GNB1L: variants seen among roughly 807,000 people sequenced by gnomAD.
The protein encoded by GNB1L is guanine nucleotide-binding protein subunit beta-like protein 1.
In GNB1L, 20 loss-of-function variants were observed where a neutral mutation model predicts 29.1. The ratio of observed to expected loss-of-function variants is 0.69; its 90% CI spans 0.48 to 1.00. The LOEUF (loss-of-function observed/expected upper bound fraction) is 1.00, where lower values mean the gene tolerates loss of function less well. Ranked by LOEUF, GNB1L falls within the 50% of genes least tolerant of loss-of-function variation. GNB1L has a pLI of 0.00. For synonymous variants in GNB1L, 193 were observed against 206.5 expected (o/e 0.93, Z 0.56); for missense variants, 421 against 464.9 (o/e 0.91, Z 0.87).
intron 7 of GNB1L, among the ~76,000 whole-genome samples, chr22:19,799,763 G>A (rs183027159): frequency 4.9e-4 from 74 of 152,318 alleles, no homozygotes; most frequent in African/African-American, 1.7e-3. Context: ...CGGTCACCTT[G>A]CTTGCTCCCG....
intron 2 of GNB1L, chr22:19,848,830 T>A: frequency 2.0e-6 from 2 of 985,080 alleles, no homozygotes; most frequent in Non-Finnish European, 2.4e-6. Context: ...GGCTGGAGTA[T>A]CCACTTCAGG....
chr22:19,849,063 C>T (rs1569057004), intron 2 of GNB1L: 1 of 985,472 alleles, frequency 1.0e-6, no homozygotes, highest in East Asian at 1.1e-4. Flanking sequence ...CGGAGGGCAG[C>T]TGTGACCTGG....
intron 4 of GNB1L, among the ~76,000 whole-genome samples, chr22:19,817,575 A>C (rs1003376913): frequency 4.6e-5 from 7 of 152,376 alleles, no homozygotes; most frequent in Middle Eastern, 3.4e-3. Context: ...GTTGAGTGAG[A>C]GAAGTCACAC....
At chr22:19,823,386 C>T (rs753669044) in intron 2 of GNB1L, among the ~76,000 whole-genome samples, 8 of 152,204 alleles carry the variant, frequency 5.3e-5, no homozygotes, top group Non-Finnish European at 1.2e-4. Context: ...GAAGACGCAG[C>T]CAGGCCGGGG....
chr22:19,794,849 C>T (rs1180491657), intron 7 of GNB1L, among the ~76,000 whole-genome samples: 1 of 152,024 alleles, frequency 6.6e-6, no homozygotes, highest in Non-Finnish European at 1.5e-5. Context: ...GGTGTGGTGG[C>T]GTGTGCCTGT....
chr22:19,801,868 C>T (rs1937376249), intron 7 of GNB1L, 133 bp downstream of exon 7: 5 of 763,624 alleles, frequency 6.5e-6, no homozygotes, highest in Admixed American at 5.2e-5. Flanking sequence ...GGACAGCCCC[C>T]CTGCACCCGC....
At chr22:19,799,722 G>A (rs888245828) in intron 7 of GNB1L, among the ~76,000 whole-genome samples, 4 of 152,190 alleles carry the variant, frequency 2.6e-5, no homozygotes, top group Non-Finnish European at 5.9e-5. Context: ...GCAGGCGGTG[G>A]GTGAGGACAC....
intron 7 of GNB1L, among the ~76,000 whole-genome samples, chr22:19,801,599 G>A (rs922004266): frequency 2.0e-5 from 3 of 151,846 alleles, no homozygotes; most frequent in South Asian, 2.1e-4. Context: ...GGCCTCCCTC[G>A]GGCCAGCTCC....
chr22:19,851,453 G>A (rs1938095826), intron 2 of GNB1L: 1 of 1,613,998 alleles, frequency 6.2e-7, no homozygotes, highest in African/African-American at 1.3e-5. Flanking sequence ...CAGGACTGGG[G>A]GCTCCTTGGG....
At chr22:19,833,094 C>T (rs1937707834) in intron 2 of GNB1L, among the ~76,000 whole-genome samples, 1 of 152,224 alleles carries the variant, frequency 6.6e-6, no homozygotes. Flanking sequence ...ACTATTCAAC[C>T]CAGGATATGT....
At chr22:19,833,031 TG>T (rs1159373036) in intron 2 of GNB1L, among the ~76,000 whole-genome samples, 2 of 152,240 alleles carry the variant, frequency 1.3e-5, no homozygotes, top group African/African-American at 2.4e-5. Context: ...CAAATCTAAC[TG>T]GGTTGACTGC....
chr22:19,847,128 T>C, intron 2 of GNB1L: 1 of 985,466 alleles, frequency 1.0e-6, no homozygotes. Context: ...ACACATTACT[T>C]GTGGCCTGCT....
Position 19,788,523 on chromosome 22 carries a change from T to A in GNB1L, c.*186A>T. On this transcript the variant is annotated 3_prime_UTR_variant, in exon 8 of 8. Transcript: ENST00000329517. ...CCAGGGCTCTGGCTGGCCCCCAGAG[T>A]CACCGTCCTGTGATGAGGCACTCCA... 2.5e-6 allele frequency: 2 copies of A among 798,886 alleles called. No individual in the cohort carries two copies. Among genetic ancestry groups the A allele is most frequent in the Admixed American group, 2.0e-5 (1 of 50,718 alleles). 49.5% of individuals were successfully genotyped at this position (798,886 alleles called of 1,614,324 possible).
intron 2 of GNB1L, among the ~76,000 whole-genome samples, chr22:19,840,597 G>A (rs1192842967): frequency 6.6e-6 from 1 of 152,112 alleles, no homozygotes; most frequent in Non-Finnish European, 1.5e-5. Flanking sequence ...ATCACTTGAG[G>A]TCAGGAGTTC....
At position 19,788,520 on chromosome 22, in the gene GNB1L, G is replaced by A; in HGVS notation, c.*189C>T. The A allele has an allele frequency of 2.5e-6, 2 of 784,764 alleles. No individual in the cohort carries two copies. Among genetic ancestry groups the A allele is most frequent in the Admixed American group, 4.0e-5 (2 of 49,980 alleles). 48.6% of individuals were successfully genotyped at this position (784,764 alleles called of 1,614,324 possible). ...CGGCCAGGGCTCTGGCTGGCCCCCA[G>A]AGTCACCGTCCTGTGATGAGGCACT... On this transcript the variant is annotated 3_prime_UTR_variant, in exon 8 of 8. Coordinates refer to ENST00000329517, the MANE Select transcript of GNB1L (RefSeq NM_053004.3).
intron 2 of GNB1L, chr22:19,847,441 A>G: frequency 1.4e-5 from 14 of 985,164 alleles, no homozygotes; most frequent in Non-Finnish European, 1.7e-5. Context: ...GAGGGCCCAG[A>G]CCCCAGCCAA....
chr22:19,846,312 A>G, intron 2 of GNB1L: 1 of 600,000 alleles, frequency 1.7e-6, no homozygotes, highest in African/African-American at 2.0e-5. Context: ...GAAAGTTACA[A>G]CCTGGGAATA....
chr22:19,823,033 C>G (rs1316051110), intron 2 of GNB1L, among the ~76,000 whole-genome samples: 3 of 152,168 alleles, frequency 2.0e-5, no homozygotes, highest in Non-Finnish European at 4.4e-5. Context: ...GGCAGGAGGC[C>G]TGGGAGGGGC....
chr22:19,846,746 C>G (rs966327794), intron 2 of GNB1L: 1 of 366,202 alleles, frequency 2.7e-6, no homozygotes, highest in Non-Finnish European at 3.8e-6. Flanking sequence ...CAGACACAGA[C>G]AGGGACACGG....
Sources: allele counts gnomAD v4.1 joint callset (sites outside exome capture counted in the v4.1 genomes callset), GRCh38; gene constraint gnomAD v4.1.1; transcripts MANE v1.5; gene names NCBI Gene and HGNC (gene_info 2026-07-23, HGNC 2026-07-21).